Variants in SYT1 observed in about 807,000 individuals in gnomAD.
SYT1 encodes the protein synaptotagmin-1.
A neutral mutation model predicts 44.8 loss-of-function variants in SYT1; 8 were observed. That is an observed-to-expected ratio of 0.18 (90% CI 0.10 to 0.32). The LOEUF (loss-of-function observed/expected upper bound fraction) is 0.32. Among genes scored for constraint, SYT1 ranks in the 10% least tolerant of loss-of-function variants. SYT1 has a pLI of 1.00. For synonymous variants in SYT1, 154 were observed against 188.8 expected, an observed-to-expected ratio of 0.82 and a Z score of 1.51; for missense variants, 286 against 509.3, an observed-to-expected ratio of 0.56 and a Z score of 4.22.
chr12:79,033,692 C>A (rs1872956550), intron 2 of SYT1, among the ~76,000 whole-genome samples: 2 of 151,376 alleles, frequency 1.3e-5, no homozygotes, highest in Non-Finnish European at 3.0e-5. Context: ...TAAGAACTAG[C>A]TTTTAAAATG....
intron 4 of SYT1, among the ~76,000 whole-genome samples, chr12:79,284,698 G>A (rs1879219470): frequency 6.6e-6 from 1 of 151,970 alleles, no homozygotes; most frequent in South Asian, 2.1e-4. Context: ...AATTAGCTGG[G>A]CATGGTGGCG....
At chr12:78,915,077 G>A (rs534399817) in intron 1 of SYT1, among the ~76,000 whole-genome samples, 8 of 127,904 alleles carry the variant, frequency 6.3e-5, no homozygotes, top group South Asian at 4.8e-4. Flanking sequence ...GCTATTGAAC[G>A]TTTTAAAATA....
intron 3 of SYT1, among the ~76,000 whole-genome samples, chr12:79,099,304 A>G (rs975947655): frequency 2.0e-5 from 3 of 152,190 alleles, no homozygotes; most frequent in Non-Finnish European, 2.9e-5. Context: ...TCCACATAAA[A>G]GAGAAGCTTT....
At chr12:79,448,825 C>A in intron 10 of SYT1, 93 bp from the exon 11 acceptor site, 1 of 1,115,622 alleles carries the variant, frequency 9.0e-7, no homozygotes, top group Non-Finnish European at 1.3e-6. Context: ...ATTGATTCTT[C>A]TATTTCCAAT....
At chr12:79,005,054 C>G (rs1304258127) in intron 2 of SYT1, among the ~76,000 whole-genome samples, 1 of 151,876 alleles carries the variant, frequency 6.6e-6, no homozygotes, top group Non-Finnish European at 1.5e-5. Flanking sequence ...ATTGTGTGGG[C>G]ACAGTAAAAC....
chr12:79,004,498 TTGAA>T (rs1384037463), intron 2 of SYT1, among the ~76,000 whole-genome samples: 5 of 152,110 alleles, frequency 3.3e-5, no homozygotes, highest in African/African-American at 7.2e-5. Flanking sequence ...CATAAGTAAT[TTGAA>T]TGAAATTTCA....
At chr12:79,370,231 G>A (rs1883723284) in intron 9 of SYT1, among the ~76,000 whole-genome samples, 1 of 152,204 alleles carries the variant, frequency 6.6e-6, no homozygotes. Context: ...TCAGGGTCAT[G>A]CAGAGGGCAG....
chr12:79,288,701 T>C (rs1401251287), intron 5 of SYT1, among the ~76,000 whole-genome samples: 1 of 152,218 alleles, frequency 6.6e-6, no homozygotes, highest in African/African-American at 2.4e-5. Context: ...AGGGAAAATA[T>C]TCACATGTAA....
At chr12:79,125,122 A>G (rs1414688089) in intron 3 of SYT1, among the ~76,000 whole-genome samples, 2 of 152,144 alleles carry the variant, frequency 1.3e-5, no homozygotes, top group Non-Finnish European at 2.9e-5. Context: ...CGAATAATCC[A>G]TCCATTTTTT....
At chr12:79,435,951 A>T (rs150566183) in intron 9 of SYT1, among the ~76,000 whole-genome samples, 1 of 152,176 alleles carries the variant, frequency 6.6e-6, no homozygotes, top group East Asian at 1.9e-4. Flanking sequence ...AAGGATATCT[A>T]TGGAAGTTAT....
chr12:79,406,226 AACAACAGTC>A (rs1885239301), intron 9 of SYT1, among the ~76,000 whole-genome samples: 1 of 152,112 alleles, frequency 6.6e-6, no homozygotes, highest in African/African-American at 2.4e-5. Context: ...ATACTTCCTA[AACAACAGTC>A]ACAAGTTGCA....
At chr12:79,094,623 C>G (rs1055795330) in intron 3 of SYT1, among the ~76,000 whole-genome samples, 4 of 151,846 alleles carry the variant, frequency 2.6e-5, no homozygotes, top group Non-Finnish European at 5.9e-5. Flanking sequence ...TACCTGTTTA[C>G]AATGGTCAAA....
intron 3 of SYT1, among the ~76,000 whole-genome samples, chr12:79,053,960 A>G (rs1025947559): frequency 2.0e-5 from 3 of 152,066 alleles, no homozygotes; most frequent in South Asian, 4.1e-4. Flanking sequence ...GAGAGTTCAT[A>G]TATAGAAGGA....
At chr12:78,929,841 T>C (rs1877535007) in intron 1 of SYT1, among the ~76,000 whole-genome samples, 1 of 152,196 alleles carries the variant, frequency 6.6e-6, no homozygotes, top group South Asian at 2.1e-4. Flanking sequence ...TATGATTTTA[T>C]ACTGACTTAC....
At chr12:79,425,937 A>G (rs1869417456) in intron 9 of SYT1, among the ~76,000 whole-genome samples, 2 of 152,176 alleles carry the variant, frequency 1.3e-5, no homozygotes, top group Admixed American at 1.3e-4. Flanking sequence ...GAGCCCATAA[A>G]TGGTAGCTCC....
intron 4 of SYT1, among the ~76,000 whole-genome samples, chr12:79,259,146 C>T (rs577980098): frequency 6.6e-6 from 1 of 152,234 alleles, no homozygotes; most frequent in Admixed American, 6.5e-5. Context: ...CCAATTTGAA[C>T]CTGGTCTTCC....
chr12:79,104,398 C>T (rs1403382728), intron 3 of SYT1, among the ~76,000 whole-genome samples: 3 of 151,738 alleles, frequency 2.0e-5, no homozygotes, highest in African/African-American at 7.3e-5. Flanking sequence ...ATATACAATA[C>T]ATATATAGCA....
chr12:79,421,643 G>A (rs1363366009), intron 9 of SYT1, among the ~76,000 whole-genome samples: 1 of 151,822 alleles, frequency 6.6e-6, no homozygotes, highest in African/African-American at 2.4e-5. Flanking sequence ...TGCTGTTATG[G>A]AGACATTTGA....
chr12:79,377,827 C>A (rs918926907), intron 9 of SYT1, among the ~76,000 whole-genome samples: 7 of 152,198 alleles, frequency 4.6e-5, no homozygotes, highest in Non-Finnish European at 2.9e-5. Flanking sequence ...GAGAGGAGAG[C>A]ATGGGCTTGG....
Sources: gnomAD v4.1 joint callset for allele counts (sites outside exome capture counted in the v4.1 genomes callset) on GRCh38, gnomAD v4.1.1 for gene constraint, MANE v1.5 for transcripts, NCBI Gene and HGNC (gene_info 2026-07-23, HGNC 2026-07-21) for gene names.